The following PRKCZ variants were observed in gnomAD, a reference collection of about 807,000 sequenced individuals.
PRKCZ encodes the protein protein kinase C zeta type.
Under a neutral mutation model 79.5 loss-of-function variants are expected in PRKCZ, and 33 were observed. The observed-to-expected ratio is 0.41, with a 90% CI of 0.31 to 0.55. The LOEUF is 0.55. Ranked by LOEUF, PRKCZ falls within the 20% of genes least tolerant of loss-of-function variation. The pLI, the probability that PRKCZ is intolerant of heterozygous loss-of-function variation, is 0.19. For synonymous variants in PRKCZ, 342 were observed against 320.9 expected (o/e 1.07, Z -0.70); for missense variants, 578 against 813.5 (o/e 0.71, Z 3.52).
At position 2,173,990 on chromosome 1, in the gene PRKCZ, T is replaced by C. The variant is rs139304792; in HGVS notation, c.1379T>C (p.Met460Thr). 2 of 1,612,298 alleles carry C rather than the reference T, an allele frequency of 1.2e-6. No homozygotes were observed. The highest frequency in any genetic ancestry group is 1.1e-5 in the South Asian group (1 of 90,704). Residue 460 changes from methionine to threonine, a missense_variant, in exon 14 of 18, where the codon ATG becomes ACG. Physicochemically the swap from Met to Thr is moderately conservative, Grantham distance 81. Transcript: ENST00000378567. The surrounding 1 kb of genome is among the most constrained non-coding windows in gnomAD (Gnocchi z 5.7). ...PFDIITDNPDMNTEDYLFQVI... is the reference protein window; with the variant it reads ...PFDIITDNPDTNTEDYLFQVI... ...GACATCATCACCGACAACCCGGACA[T>C]GAACACAGAGGACTACCTTTTCCAA...
intron 4 of PRKCZ, among the ~76,000 whole-genome samples, chr1:2,114,090 G>A (rs757727807): frequency 3.9e-5 from 6 of 152,244 alleles, no homozygotes; most frequent in Non-Finnish European, 7.4e-5. Flanking sequence ...TTGTGGAAGC[G>A]TTCGGAATGC....
chr1:2,175,507 C>A (rs1432198161), intron 16 of PRKCZ, among the ~76,000 whole-genome samples, 194 bp downstream of exon 16: 1 of 144,738 alleles, frequency 6.9e-6, no homozygotes, highest in Non-Finnish European at 1.5e-5. Flanking sequence ...CAACTCCCAC[C>A]CCAACCCCCA....
chr1:2,107,254 G>A (rs1172224540), intron 4 of PRKCZ, among the ~76,000 whole-genome samples: 5 of 152,212 alleles, frequency 3.3e-5, no homozygotes, highest in African/African-American at 1.2e-4. Flanking sequence ...GGGCTCCTGT[G>A]CGGAGGCCGC....
At chr1:2,066,826 A>T (rs1163401053) in intron 4 of PRKCZ, among the ~76,000 whole-genome samples, 4 of 152,166 alleles carry the variant, frequency 2.6e-5, no homozygotes, top group Non-Finnish European at 1.5e-5. Flanking sequence ...GAGGCTGAAG[A>T]GGGAGGATCA....
intron 4 of PRKCZ, among the ~76,000 whole-genome samples, chr1:2,114,276 G>C (rs985265695): frequency 6.6e-6 from 1 of 152,178 alleles, no homozygotes; most frequent in Non-Finnish European, 1.5e-5. Context: ...AATACAGGTA[G>C]CCCAAGCACA....
intron 4 of PRKCZ, among the ~76,000 whole-genome samples, chr1:2,092,118 T>C (rs1665623963): frequency 1.3e-5 from 2 of 152,154 alleles, no homozygotes; most frequent in South Asian, 4.1e-4. Context: ...GCTTCTCCCC[T>C]AGATACTCCG....
In PRKCZ at chr1:2,050,939, G is replaced by C. The variant is rs182435093; in HGVS notation, c.71+238G>C. On this transcript the variant is annotated intron_variant, in intron 1 of 17. Coordinates refer to ENST00000378567, the MANE Select transcript of PRKCZ (RefSeq NM_002744.6). ...TTCCCTGGGGTCGGCCCCGCGCCGC[G>C]AGCTCCTCGGCCCGGTCATTGTGGT... The C allele has an allele frequency of 8.6e-5, 32 of 372,240 alleles. No homozygotes were observed. The East Asian group carries it at 1.2e-3, about 14-fold the overall frequency. The allele number at this position is 372,240 out of a possible 1,614,324, so 23.1% of individuals were successfully genotyped here.
intron 4 of PRKCZ, among the ~76,000 whole-genome samples, chr1:2,100,094 A>G (rs541466248): frequency 1.3e-5 from 2 of 152,158 alleles, no homozygotes; most frequent in East Asian, 3.9e-4. Context: ...TGACACTGTC[A>G]TTAGGATTCC....
At chr1:2,052,216 C>T (rs986446002) in intron 1 of PRKCZ, among the ~76,000 whole-genome samples, 1 of 152,162 alleles carries the variant, frequency 6.6e-6, no homozygotes, top group African/African-American at 2.4e-5. Flanking sequence ...TTCCGGCGTC[C>T]AATTCCTGGG....
Position 2,178,476 on chromosome 1 carries a change from T to C in PRKCZ, c.1575+3163T>C, listed in dbSNP as rs530950724. Among the ~76,000 whole-genome samples the C allele has an allele frequency of 1.6e-4, 25 of 152,322 alleles. No homozygotes were observed. The highest frequency in any genetic ancestry group is 2.8e-4 in the Non-Finnish European group (19 of 68,014). On this transcript the variant is annotated intron_variant, in intron 16 of 17. Coordinates refer to ENST00000378567, the MANE Select transcript of PRKCZ (RefSeq NM_002744.6). This position sits in a 1 kb window ranked among gnomAD's most constrained non-coding sequence, Gnocchi z 4.3. ...CCTCCACTTTCTGGCCATTGTGAAT[T>C]GTGCTGCCGTGAACACCTGTGAACC...
At chr1:2,169,442 C>T in intron 10 of PRKCZ, 76 bp from the exon 11 acceptor site, 14 of 1,349,546 alleles carry the variant, frequency 1.0e-5, no homozygotes, top group Non-Finnish European at 1.4e-5. Context: ...ACGAAGGCCG[C>T]TTCTGTGGGG....
At chr1:2,080,244 C>G (rs1485139325) in intron 4 of PRKCZ, among the ~76,000 whole-genome samples, 1 of 141,650 alleles carries the variant, frequency 7.1e-6, no homozygotes, top group Non-Finnish European at 1.5e-5. Context: ...CTGTGTCCAC[C>G]TGGAAACCAT....
At chr1:2,184,781 A>G (rs1024492742) in intron 17 of PRKCZ, 83 bp downstream of exon 17, 27 of 1,445,886 alleles carry the variant, frequency 1.9e-5, no homozygotes, top group Non-Finnish European at 2.1e-5. Context: ...CTGGTGACCC[A>G]GCCTGCCCTT....
At chr1:2,169,176 C>T (rs1232565751) in intron 10 of PRKCZ, 3 of 465,226 alleles carry the variant, frequency 6.4e-6, no homozygotes, top group South Asian at 4.6e-5. Context: ...CTGTCCCAGC[C>T]CCCAGCCCTG....
At position 2,168,948 on chromosome 1, in the gene PRKCZ, G is replaced by A. The variant is rs1381167624; in HGVS notation, c.975-570G>A. 11 of 352,290 alleles carry A rather than the reference G, an allele frequency of 3.1e-5. No individual in the cohort carries two copies. The highest frequency in any genetic ancestry group is 4.6e-5 in the Non-Finnish European group (8 of 173,628). The allele number at this position is 352,290 out of a possible 1,614,324, so 21.8% of individuals were successfully genotyped here. A position where few individuals can be genotyped will look rare whatever the true frequency, so the allele number is the denominator to read the frequency against. ...AGACGGGAAGGGCCTGCGTGGTCCT[G>A]ATGACATCTGCGGATCTTTTAAAAT... On this transcript the variant is annotated intron_variant, in intron 10 of 17. Transcript: ENST00000378567. The surrounding 1 kb of genome is among the most constrained non-coding windows in gnomAD (Gnocchi z 4.7).
rs1461390434 is a variant in PRKCZ, at chr1:2,127,408, C to T, written c.335-7854C>T. On this transcript the variant is annotated intron_variant, in intron 4 of 17. Transcript: ENST00000378567. This position sits in a 1 kb window ranked among gnomAD's most constrained non-coding sequence, Gnocchi z 5.1. Reference sequence around the variant, plus strand: ...GCACCTCCACTGCCCCCCCCACCGCCGCCCCTGCCCCACGGCCACCCCAGA... The same window carrying T: ...GCACCTCCACTGCCCCCCCCACCGCTGCCCCTGCCCCACGGCCACCCCAGA... 3.3e-5 allele frequency among the ~76,000 whole-genome samples: 5 copies of T among 152,032 alleles called. No individual in the cohort carries two copies. The highest frequency in any genetic ancestry group is 3.9e-4 in the East Asian group (2 of 5,168).
chr1:2,157,032 G>A (rs1473214359), intron 10 of PRKCZ, among the ~76,000 whole-genome samples: 1 of 152,248 alleles, frequency 6.6e-6, no homozygotes, highest in Non-Finnish European at 1.5e-5. Flanking sequence ...AGGAGAGCCA[G>A]TGGCACAGCT....
At chr1:2,126,038 C>G (rs1477918587) in intron 4 of PRKCZ, among the ~76,000 whole-genome samples, 1 of 152,092 alleles carries the variant, frequency 6.6e-6, no homozygotes, top group East Asian at 1.9e-4. Context: ...GTCGCCCGAT[C>G]GCTCTATCCA....
chr1:2,180,595 C>T (rs542105924), intron 16 of PRKCZ, among the ~76,000 whole-genome samples: 6 of 152,120 alleles, frequency 3.9e-5, no homozygotes, highest in Admixed American at 3.9e-4. Flanking sequence ...GCACGGACGA[C>T]GTGGACGCAC....
Sources: allele counts gnomAD v4.1 joint callset (sites outside exome capture counted in the v4.1 genomes callset), GRCh38; gene constraint gnomAD v4.1.1; non-coding constraint Gnocchi (gnomAD v3.1); transcripts MANE v1.5; gene names NCBI Gene and HGNC (gene_info 2026-07-23, HGNC 2026-07-21).